Variants in USP13 observed in about 807,000 individuals in gnomAD.
The protein encoded by USP13 is ubiquitin specific peptidase 13.
In USP13, 68 loss-of-function variants were observed where a neutral mutation model predicts 107.8. The observed-to-expected ratio is 0.63, with a 90% CI of 0.52 to 0.77. The LOEUF (loss-of-function observed/expected upper bound fraction) is 0.77. Ranked by LOEUF, USP13 falls within the 30% of genes least tolerant of loss-of-function variation. The pLI, the probability that USP13 is intolerant of heterozygous loss-of-function variation, is 0.00. For missense variants in USP13, 945 were observed against 1,093.3 expected (o/e 0.86, Z 1.91); for synonymous variants, 377 against 389.5 (o/e 0.97, Z 0.38).
chr3:179,723,960 C>T (rs190310918), intron 8 of USP13, among the ~76,000 whole-genome samples: 69 of 150,924 alleles, frequency 4.6e-4, no homozygotes, highest in Non-Finnish European at 6.8e-4. Context: ...TGAGGCCAGC[C>T]TAAGCAGCAA....
chr3:179,710,398 G>A (rs752915506), intron 6 of USP13, among the ~76,000 whole-genome samples: 4 of 152,260 alleles, frequency 2.6e-5, no homozygotes, highest in African/African-American at 4.8e-5. Flanking sequence ...CAGATTTTCC[G>A]ACTTTCTATG....
chr3:179,735,607 T>G (rs758042308), intron 10 of USP13, among the ~76,000 whole-genome samples: 2 of 152,178 alleles, frequency 1.3e-5, no homozygotes, highest in South Asian at 2.1e-4. Flanking sequence ...TTTTTTCTCT[T>G]CCTCTCCTTT....
chr3:179,685,391 C>T (rs1387210566), intron 2 of USP13, among the ~76,000 whole-genome samples: 2 of 151,962 alleles, frequency 1.3e-5, no homozygotes, highest in Non-Finnish European at 2.9e-5. Flanking sequence ...TAATTTCTCA[C>T]CTTAGCCTTC....
intron 19 of USP13, among the ~76,000 whole-genome samples, chr3:179,779,545 A>C (rs1481766887): frequency 6.6e-6 from 1 of 151,746 alleles, no homozygotes; most frequent in Non-Finnish European, 1.5e-5. Flanking sequence ...ACAACAACAA[A>C]AAAAGAGAAC....
At chr3:179,729,138 A>T (rs1441192983) in intron 8 of USP13, among the ~76,000 whole-genome samples, 1 of 152,166 alleles carries the variant, frequency 6.6e-6, no homozygotes, top group East Asian at 1.9e-4. Context: ...GAGACATTGG[A>T]CTCAACTCTG....
At chr3:179,732,860 G>A (rs2300765) in intron 10 of USP13, among the ~76,000 whole-genome samples, 11,777 of 152,198 alleles carry the variant, frequency 0.077, 968 homozygotes, top group African/African-American at 0.19. Context: ...TAGTGTAGTA[G>A]CTCCTTACAT....
At chr3:179,694,166 G>A (rs915148925) in intron 3 of USP13, among the ~76,000 whole-genome samples, 1 of 151,884 alleles carries the variant, frequency 6.6e-6, no homozygotes, top group Admixed American at 6.6e-5. Flanking sequence ...GTGAAGACAG[G>A]GTTCTGCCAT....
At chr3:179,663,514 C>G (rs933386840) in intron 1 of USP13, among the ~76,000 whole-genome samples, 1 of 152,222 alleles carries the variant, frequency 6.6e-6, no homozygotes, top group Non-Finnish European at 1.5e-5. Context: ...TCCTCTCTCC[C>G]TTGCACTGCT....
Position 179,750,345 on chromosome 3 carries a change from T to C in USP13, c.1710-1940T>C, listed in dbSNP as rs868222547. On this transcript the variant is annotated intron_variant, in intron 13 of 20. Coordinates refer to ENST00000263966, the MANE Select transcript of USP13 (RefSeq NM_003940.3). ...ATGTGTGTATATATATATATATATA[T>C]GTATATATATAAAATATCAGACAGA... 1.5e-3 allele frequency among the ~76,000 whole-genome samples: 206 copies of C among 139,810 alleles called. 1 individual carries two copies. The highest frequency in any genetic ancestry group is 5.1e-3 in the African/African-American group (195 of 38,412). 91.7% of individuals were successfully genotyped at this position (139,810 alleles called of 152,430 possible).
intron 19 of USP13, among the ~76,000 whole-genome samples, chr3:179,780,785 G>C (rs1715718266): frequency 6.6e-6 from 1 of 152,182 alleles, no homozygotes; most frequent in Non-Finnish European, 1.5e-5. Context: ...GAGAGACAGA[G>C]GGGTAAGAGA....
intron 5 of USP13, among the ~76,000 whole-genome samples, 196 bp downstream of exon 5, chr3:179,707,272 G>A (rs567066005): frequency 6.6e-6 from 1 of 152,212 alleles, no homozygotes; most frequent in South Asian, 2.1e-4. Flanking sequence ...ATACCCCTAA[G>A]CCCTTCCCTG....
intron 19 of USP13, among the ~76,000 whole-genome samples, chr3:179,776,372 G>T (rs1715538698): frequency 6.6e-6 from 1 of 152,108 alleles, no homozygotes; most frequent in South Asian, 2.1e-4. Context: ...CATTGAAAGG[G>T]TATGCTGCCC....
chr3:179,781,402 G>C (rs549185742), intron 19 of USP13, among the ~76,000 whole-genome samples: 1 of 151,804 alleles, frequency 6.6e-6, no homozygotes, highest in African/African-American at 2.4e-5. Context: ...GTCCACCCTC[G>C]TGCTATTTGG....
chr3:179,719,901 A>G (rs1713246354), intron 6 of USP13, 39 bp from the exon 7 acceptor site: 1 of 1,545,524 alleles, frequency 6.5e-7, no homozygotes, highest in Non-Finnish European at 8.9e-7. Flanking sequence ...CAGTGACTTG[A>G]TTACTGATTG....
At chr3:179,707,900 T>C (rs1712780244) in intron 5 of USP13, among the ~76,000 whole-genome samples, 1 of 152,166 alleles carries the variant, frequency 6.6e-6, no homozygotes, top group African/African-American at 2.4e-5. Flanking sequence ...TTTGTAAAAA[T>C]AGAGATGGTA....
At chr3:179,695,578 A>C (rs1712294901) in intron 3 of USP13, among the ~76,000 whole-genome samples, 1 of 152,080 alleles carries the variant, frequency 6.6e-6, no homozygotes, top group Non-Finnish European at 1.5e-5. Flanking sequence ...GTAATTGAAA[A>C]ATCATTTAAA....
At chr3:179,719,015 A>G (rs1713210548) in intron 6 of USP13, among the ~76,000 whole-genome samples, 1 of 152,102 alleles carries the variant, frequency 6.6e-6, no homozygotes, top group African/African-American at 2.4e-5. Context: ...TCGGCCTCCC[A>G]AAGAAGATTC....
At chr3:179,766,698 A>G (rs1171890251) in intron 19 of USP13, among the ~76,000 whole-genome samples, 2 of 152,244 alleles carry the variant, frequency 1.3e-5, no homozygotes, top group Non-Finnish European at 2.9e-5. Flanking sequence ...TCTCACTACA[A>G]CTGATTTTAC....
rs1247194535 is a variant in USP13 at position 179,658,162 on chromosome 3, G to A, written c.168+4769G>A. Among the ~76,000 whole-genome samples, 11 of 152,102 alleles carry A rather than the reference G, an allele frequency of 7.2e-5. No individual in the cohort carries two copies. The South Asian group carries it at 1.2e-3, about 17-fold the overall frequency. ...GTAGAGACGGGGTTTCACTATGTTGGCCAGGCTGGTCCTGAACTCCTGACC... is the reference window on the plus strand; with the variant it reads ...GTAGAGACGGGGTTTCACTATGTTGACCAGGCTGGTCCTGAACTCCTGACC... On this transcript the variant is annotated intron_variant, in intron 1 of 20. Transcript: ENST00000263966.
Sources: allele counts gnomAD v4.1 joint callset (sites outside exome capture counted in the v4.1 genomes callset), GRCh38; gene constraint gnomAD v4.1.1; transcripts MANE v1.5; gene names NCBI Gene and HGNC (gene_info 2026-07-23, HGNC 2026-07-21).